Variants in LRRFIP1 observed in about 807,000 individuals in gnomAD.
The protein encoded by LRRFIP1 is LRR binding FLII interacting protein 1.
Under a neutral mutation model 104.4 loss-of-function variants are expected in LRRFIP1, and 62 were observed. The observed-to-expected ratio is 0.59, with a 90% CI of 0.48 to 0.73. The LOEUF (loss-of-function observed/expected upper bound fraction) is 0.73, where lower values mean the gene tolerates loss of function less well. LRRFIP1 is among the 30% of genes least tolerant of loss of function. LRRFIP1 has a pLI of 0.00. For synonymous variants in LRRFIP1, 300 were observed against 299.0 expected, an observed-to-expected ratio of 1.00 and a Z score of -0.03; for missense variants, 796 against 824.5, an observed-to-expected ratio of 0.97 and a Z score of 0.42.
intron 1 of LRRFIP1, among the ~76,000 whole-genome samples, chr2:237,697,179 C>T (rs1167650358): frequency 1.3e-5 from 2 of 152,160 alleles, no homozygotes; most frequent in Non-Finnish European, 2.9e-5. Context: ...CCTGCCACCT[C>T]ACCCGGCTAA....
At chr2:237,686,826 A>T (rs1286523921) in intron 1 of LRRFIP1, among the ~76,000 whole-genome samples, 1 of 152,246 alleles carries the variant, frequency 6.6e-6, no homozygotes, top group African/African-American at 2.4e-5. Flanking sequence ...GTGGGGTACC[A>T]CCTTCTTTGC....
At chr2:237,729,477 G>A (rs55994054) in intron 8 of LRRFIP1, among the ~76,000 whole-genome samples, 4,157 of 148,580 alleles carry the variant, frequency 0.028, 63 homozygotes, top group Middle Eastern at 0.089. Flanking sequence ...ACAACGCAGT[G>A]TGAAACTCAG....
rs1449931678 is a variant in LRRFIP1, at chr2:237,749,186, C to G, written c.670-13C>G. 3 of 1,611,664 alleles carry G rather than the reference C, an allele frequency of 1.9e-6. No individual in the cohort carries two copies. The highest frequency in any genetic ancestry group is 2.7e-5 in the African/African-American group (2 of 74,812). On this transcript the variant is annotated splice_polypyrimidine_tract_variant and intron_variant, in intron 12 of 23. Transcript: ENST00000308482. ...CTAAACCATATCAGCATGTGATCCT[C>G]TCAACGTTCCAGGGGTCTCGTAACA...
rs768794695 is a variant in LRRFIP1, at chr2:237,749,325, G to C, written c.795+1G>C. 1 of 1,613,338 alleles carries C rather than the reference G, an allele frequency of 6.2e-7. No homozygotes were observed. The highest frequency in any genetic ancestry group is 1.7e-5 in the Admixed American group (1 of 59,984). ...CGAGGCATCCATCAGGGAAATCAAG[G>C]TGAGATGCTCTCTTCTTACTGACAA... On this transcript the variant is annotated splice_donor_variant, in intron 13 of 23. Transcript: ENST00000308482. LOFTEE classifies it high-confidence loss of function.
At chr2:237,702,189 A>G (rs1299098972) in intron 1 of LRRFIP1, among the ~76,000 whole-genome samples, 1 of 152,158 alleles carries the variant, frequency 6.6e-6, no homozygotes, top group East Asian at 1.9e-4. Context: ...CCACCTCCCT[A>G]TCAGAGGGCT....
intron 1 of LRRFIP1, among the ~76,000 whole-genome samples, chr2:237,665,352 A>C (rs1042615856): frequency 1.3e-5 from 2 of 152,262 alleles, no homozygotes; most frequent in Non-Finnish European, 2.9e-5. Context: ...TGAACAAAAC[A>C]TGTATAATTG....
chr2:237,714,231 T>A, intron 2 of LRRFIP1, 28 bp from the exon 3 acceptor site: 1 of 1,548,532 alleles, frequency 6.5e-7, no homozygotes. Flanking sequence ...GATTTTACAT[T>A]TCTTTTTTCT....
chr2:237,772,983 C>T, intron 22 of LRRFIP1, 38 bp downstream of exon 22: 1 of 1,528,808 alleles, frequency 6.5e-7, no homozygotes, highest in Non-Finnish European at 9.1e-7. Flanking sequence ...TGATGATTGA[C>T]TGGAGTTTTA....
At chr2:237,771,302 C>CAAA (rs61685773) in intron 20 of LRRFIP1, among the ~76,000 whole-genome samples, 3 of 109,802 alleles carry the variant, frequency 2.7e-5, no homozygotes, top group Non-Finnish European at 2.1e-5. Context: ...TGAAATATTC[C>CAAA]AAAAAAAAAA....
intron 1 of LRRFIP1, 114 bp from the exon 2 acceptor site, chr2:237,708,430 C>T (rs1223122715): frequency 2.8e-6 from 2 of 707,318 alleles, no homozygotes; most frequent in East Asian, 5.5e-5. Context: ...GAATTTATTG[C>T]TGTATATCTG....
chr2:237,738,547 AAT>A (rs1175552011), intron 10 of LRRFIP1, among the ~76,000 whole-genome samples: 1 of 152,222 alleles, frequency 6.6e-6, no homozygotes, highest in Non-Finnish European at 1.5e-5. Flanking sequence ...GCTCAGGAAG[AAT>A]ATGAGAATGT....
chr2:237,630,094 T>C (rs4663765), intron 1 of LRRFIP1, among the ~76,000 whole-genome samples: 67,670 of 152,030 alleles, frequency 0.45, 15,283 homozygotes, highest in African/African-American at 0.46. Flanking sequence ...TATGAGAGCT[T>C]CTTACACGCC....
intron 2 of LRRFIP1, among the ~76,000 whole-genome samples, chr2:237,712,627 G>T (rs530722132): frequency 1.3e-5 from 2 of 152,178 alleles, no homozygotes; most frequent in African/African-American, 4.8e-5. Context: ...GCACGCATTC[G>T]TGTGTGTGCG....
At chr2:237,740,623 G>T (rs2095387302) in intron 11 of LRRFIP1, among the ~76,000 whole-genome samples, 1 of 152,146 alleles carries the variant, frequency 6.6e-6, no homozygotes, top group South Asian at 2.1e-4. Flanking sequence ...TGTGGTGCTG[G>T]TGGTTTGTTT....
chr2:237,691,591 G>C lies in LRRFIP1; in HGVS notation c.97-16953G>C, dbSNP rs1363793691. On this transcript the variant is annotated intron_variant, in intron 1 of 23. Transcript: ENST00000308482. The surrounding 1 kb of genome is among the most constrained non-coding windows in gnomAD (Gnocchi z 5.4). ...CCGGCCGGCAGGTGCAGCGGTGCTG[G>C]GGCCTAGGCTTCCGCGTCCAGGAAG... Among the ~76,000 whole-genome samples the C allele has an allele frequency of 6.6e-6, 1 of 152,234 alleles. No individual in the cohort carries two copies. Among genetic ancestry groups the C allele is most frequent in the African/African-American group, 2.4e-5 (1 of 41,466 alleles).
At chr2:237,773,551 T>TA (rs1224365344) in intron 22 of LRRFIP1, among the ~76,000 whole-genome samples, 1 of 151,940 alleles carries the variant, frequency 6.6e-6, no homozygotes, top group Non-Finnish European at 1.5e-5. Context: ...TAAAATAAAA[T>TA]AAATAAATAA....
Position 237,669,792 on chromosome 2 carries a change from CGGCT to C in LRRFIP1, c.97-38750_97-38747del, listed in dbSNP as rs200221599. Among the ~76,000 whole-genome samples, 1,141 of 152,230 alleles carry C rather than the reference CGGCT, an allele frequency of 7.5e-3. 4 individuals carry two copies. The highest frequency in any genetic ancestry group is 0.013 in the Non-Finnish European group (858 of 68,014). On this transcript the variant is annotated intron_variant, in intron 1 of 23. Transcript: ENST00000308482. ...AATAACGGTGTCATTAAACATGGAC[CGGCT>C]GTTCCATGAGCTCATTCCTAGGAAA... is the stretch of plus-strand genomic sequence containing the variant.
chr2:237,744,396 G>A (rs528814753), intron 11 of LRRFIP1, among the ~76,000 whole-genome samples: 3 of 151,658 alleles, frequency 2.0e-5, no homozygotes, highest in Non-Finnish European at 2.9e-5. Context: ...CTTGAGTAGG[G>A]TCTCTCTGGG....
chr2:237,775,189 G>A (rs1194519114), intron 23 of LRRFIP1, among the ~76,000 whole-genome samples: 1 of 152,252 alleles, frequency 6.6e-6, no homozygotes, highest in Non-Finnish European at 1.5e-5. Flanking sequence ...CCAGGCCAGG[G>A]CAGTTCTAGG....
Sources: gnomAD v4.1 joint callset for allele counts (sites outside exome capture counted in the v4.1 genomes callset) on GRCh38, gnomAD v4.1.1 for gene constraint, Gnocchi (gnomAD v3.1) non-coding constraint, MANE v1.5 for transcripts, NCBI Gene and HGNC (gene_info 2026-07-23, HGNC 2026-07-21) for gene names.